The following VPS13A variants were observed in gnomAD, a reference collection of about 807,000 sequenced individuals.
The protein encoded by VPS13A is vacuolar protein sorting 13 homolog A.
A neutral mutation model predicts 390.9 loss-of-function variants in VPS13A; 264 were observed. The observed-to-expected ratio is 0.68, with a 90% CI of 0.61 to 0.75. The LOEUF (loss-of-function observed/expected upper bound fraction) is 0.75. VPS13A is among the 30% of genes least tolerant of loss of function. The probability of loss-of-function intolerance (pLI) is 0.00; values close to 1 mark genes in which losing one functional copy is unlikely to be tolerated. For synonymous variants in VPS13A, 1,231 were observed against 1,227.1 expected, an observed-to-expected ratio of 1.00 and a Z score of -0.07; for missense variants, 3,409 against 3,733.9, an observed-to-expected ratio of 0.91 and a Z score of 2.27.
intron 2 of VPS13A, among the ~76,000 whole-genome samples, chr9:77,200,950 G>A (rs1213705390): frequency 6.6e-6 from 1 of 152,104 alleles, no homozygotes; most frequent in African/African-American, 2.4e-5. Flanking sequence ...TTATTTAAAA[G>A]GCTATTCTTT....
intron 46 of VPS13A, among the ~76,000 whole-genome samples, 188 bp downstream of exon 46, chr9:77,332,301 A>G (rs1181577277): frequency 1.3e-5 from 2 of 152,014 alleles, no homozygotes; most frequent in Admixed American, 1.3e-4. Flanking sequence ...TACCAAGCAC[A>G]CTATATATGC....
intron 13 of VPS13A, among the ~76,000 whole-genome samples, chr9:77,222,708 G>T (rs1042668808): frequency 6.6e-6 from 1 of 152,096 alleles, no homozygotes; most frequent in Non-Finnish European, 1.5e-5. Context: ...GATGATCTAT[G>T]ATCAGTGATC....
rs770600544 is a variant in VPS13A, at chr9:77,356,766, A to G, written c.7705A>G (p.Met2569Val). 7.4e-6 allele frequency: 12 copies of G among 1,613,736 alleles called. No homozygotes were observed. The highest frequency in any genetic ancestry group is 2.2e-5 in the East Asian group (1 of 44,852). Reference sequence around the variant, plus strand: ...CAAGAAGAAGGCAAGATGGAAGCCAATGAGTGTAAAGCACACTGAGAAGTT... The same window carrying G: ...CAAGAAGAAGGCAAGATGGAAGCCAGTGAGTGTAAAGCACACTGAGAAGTT... ...KPKKKARWKP[M>V]SVKHTEKLER... Residue 2569 changes from methionine (M) to valine (V), a missense_variant, in exon 55 of 72, where the codon ATG (methionine) becomes GTG (valine). Around this residue, in one of 5 missense-constraint regions of VPS13A, gnomAD observed 221 missense variants for 300.7 expected, o/e 0.73. Coordinates refer to ENST00000360280, the MANE Select transcript of VPS13A (RefSeq NM_033305.3).
At chr9:77,340,674 A>G (rs556865250) in intron 50 of VPS13A, 124 bp downstream of exon 50, 6 of 1,212,052 alleles carry the variant, frequency 5.0e-6, no homozygotes, top group Non-Finnish European at 7.1e-6. Context: ...TAGTTTCATG[A>G]ATCTTTATTG....
At chr9:77,308,137 T>G (rs1466578866) in intron 35 of VPS13A, 39 bp downstream of exon 35, 4 of 1,605,340 alleles carry the variant, frequency 2.5e-6, no homozygotes, top group African/African-American at 1.3e-5. Context: ...GCTTTCCTCT[T>G]TCTCTCTTTT....
At chr9:77,200,246 G>A (rs763258595) in intron 2 of VPS13A, among the ~76,000 whole-genome samples, 42 of 152,104 alleles carry the variant, frequency 2.8e-4, no homozygotes, top group Middle Eastern at 3.2e-3. Context: ...CAGCACTTTG[G>A]GAGGTCAAGG....
Position 77,281,882 on chromosome 9 carries a change from C to T in VPS13A, c.2920C>T (p.Pro974Ser), listed in dbSNP as rs1377252644. 3.1e-6 allele frequency: 5 copies of T among 1,603,296 alleles called. No individual in the cohort carries two copies. The highest frequency in any genetic ancestry group is 3.3e-5 in the Admixed American group (2 of 59,898). The change falls in exon 28 of 72, where the codon CCC (proline) becomes TCC (serine). Residue 974 changes from proline to serine, a missense_variant. Coordinates refer to ENST00000360280, the MANE Select transcript of VPS13A (RefSeq NM_033305.3). ...LEYVKAEKNV[P>S]DLKSTYNNVL... ...CTTTGGATAGGCTGAAAAGAATGTACCCGACTTGAAAAGTACCTATAACAA... is the reference window on the plus strand; with the variant it reads ...CTTTGGATAGGCTGAAAAGAATGTATCCGACTTGAAAAGTACCTATAACAA...
intron 44 of VPS13A, among the ~76,000 whole-genome samples, chr9:77,322,370 A>G (rs1409911780): frequency 1.3e-5 from 2 of 151,876 alleles, no homozygotes; most frequent in African/African-American, 2.4e-5. Flanking sequence ...CCACTTTTTG[A>G]TACTCTGGCA....
intron 33 of VPS13A, among the ~76,000 whole-genome samples, chr9:77,296,082 T>G (rs1334656997): frequency 6.6e-6 from 1 of 152,200 alleles, no homozygotes; most frequent in East Asian, 1.9e-4. Context: ...ACTATAAAAT[T>G]TATTATCTGA....
intron 34 of VPS13A, among the ~76,000 whole-genome samples, chr9:77,305,189 T>C (rs1033880704): frequency 2.0e-5 from 3 of 152,016 alleles, no homozygotes; most frequent in East Asian, 3.9e-4. Flanking sequence ...CCACCCCCCT[T>C]GGCCTCCCAA....
chr9:77,177,918 C>T, intron 1 of VPS13A, 114 bp downstream of exon 1: 2 of 877,922 alleles, frequency 2.3e-6, no homozygotes, highest in South Asian at 3.1e-5. Context: ...CGGGTGCAGC[C>T]ACCTGCCGCC....
chr9:77,200,282 T>C (rs1017572205), intron 2 of VPS13A, among the ~76,000 whole-genome samples: 1 of 152,032 alleles, frequency 6.6e-6, no homozygotes, highest in Non-Finnish European at 1.5e-5. Flanking sequence ...AGGTCAGTAG[T>C]TCGAGACTAG....
At position 77,332,114 on chromosome 9, in the gene VPS13A, G is replaced by A. The variant is rs1564735244; in HGVS notation, c.6095+1G>A. 6.2e-7 allele frequency: 1 copy of A among 1,604,176 alleles called. No homozygotes were observed. On this transcript the variant is annotated splice_donor_variant, in intron 46 of 71. Coordinates refer to ENST00000360280, the MANE Select transcript of VPS13A (RefSeq NM_033305.3). LOFTEE classifies it high-confidence loss of function. ...TCAACATACCATTAGGATCTTACCGGTATTTTGTCTTTATCATTTTATTTA... is the reference window on the plus strand; with the variant it reads ...TCAACATACCATTAGGATCTTACCGATATTTTGTCTTTATCATTTTATTTA...
chr9:77,241,858 C>T (rs191243122), intron 19 of VPS13A, among the ~76,000 whole-genome samples: 7 of 152,242 alleles, frequency 4.6e-5, no homozygotes. Flanking sequence ...ACCTTTTTCT[C>T]CTAATTTTTC....
At chr9:77,299,414 T>A (rs559639545) in intron 33 of VPS13A, among the ~76,000 whole-genome samples, 20 of 152,206 alleles carry the variant, frequency 1.3e-4, no homozygotes, top group Admixed American at 1.1e-3. Context: ...CATTAAAAAG[T>A]CAGGAAACAA....
rs142058362 is a variant in VPS13A, at chr9:77,307,991, A to C, written c.4007A>C (p.His1336Pro). The change falls in exon 35 of 72, where the codon CAT becomes CCT. Residue 1336 changes from histidine to proline, a missense_variant. By Grantham distance (77) the His-to-Pro change is moderately conservative. Transcript: ENST00000360280. ...EDITTIFKTLHGNIWYEKDGS... is the reference protein window; with the variant it reads ...EDITTIFKTLPGNIWYEKDGS... Reference sequence around the variant, plus strand: ...ATAACAACTATTTTTAAAACATTGCATGGCAATATATGGTATGAAAAAGAT... The same window carrying C: ...ATAACAACTATTTTTAAAACATTGCCTGGCAATATATGGTATGAAAAAGAT... The C allele has an allele frequency of 1.0e-5, 16 of 1,602,988 alleles. No individual in the cohort carries two copies. Among genetic ancestry groups the C allele is most frequent in the Non-Finnish European group, 1.2e-5 (14 of 1,170,010 alleles).
At position 77,382,041 on chromosome 9, in the gene VPS13A, T is replaced by C; in HGVS notation, c.9143T>C (p.Ile3048Thr). The change falls in exon 68 of 72, where the codon ATC becomes ACC. Residue 3048 changes from isoleucine to threonine, a missense_variant. Physicochemically the swap from Ile to Thr is moderately conservative, Grantham distance 89 (BLOSUM62 -1). Around this residue, in one of 5 missense-constraint regions of VPS13A, gnomAD observed 318 missense variants for 333.7 expected, o/e 0.95. Coordinates refer to ENST00000360280, the MANE Select transcript of VPS13A (RefSeq NM_033305.3). ...PPRFFNEDGV[I>T]RPYRLRDGTG... is the part of the protein sequence containing the mutation. ...CGGTTCTTCAATGAAGATGGAGTTA[T>C]CAGACCGTACAGGTTGAGGGATGGG... 6.2e-7 allele frequency: 1 copy of C among 1,609,060 alleles called. No individual in the cohort carries two copies. The highest frequency in any genetic ancestry group is 1.3e-5 in the African/African-American group (1 of 75,002).
At chr9:77,225,579 A>G (rs940876811) in intron 13 of VPS13A, among the ~76,000 whole-genome samples, 2 of 150,446 alleles carry the variant, frequency 1.3e-5, no homozygotes, top group African/African-American at 2.5e-5. Context: ...AATGTAACTA[A>G]TATGTTTACC....
intron 53 of VPS13A, among the ~76,000 whole-genome samples, chr9:77,352,357 C>G (rs561194661): frequency 5.8e-4 from 88 of 151,368 alleles, no homozygotes; most frequent in South Asian, 4.2e-4. Context: ...ATTTTTTCTT[C>G]CTGCTTATCA....
Sources: allele counts gnomAD v4.1 joint callset (sites outside exome capture counted in the v4.1 genomes callset), GRCh38; gene constraint gnomAD v4.1.1; regional missense constraint gnomAD v4.1.1; transcripts MANE v1.5; gene names NCBI Gene and HGNC (gene_info 2026-07-23, HGNC 2026-07-21).